The following TUSC3 variants were observed in gnomAD, a reference collection of about 807,000 sequenced individuals.
The protein encoded by TUSC3 is tumor suppressor candidate 3, also known as dolichyl-diphosphooligosaccharide--protein glycosyltransferase subunit TUSC3.
Under a neutral mutation model 44.8 loss-of-function variants are expected in TUSC3, and 45 were observed. That is an observed-to-expected ratio of 1.00 (90% CI 0.79 to 1.29). The LOEUF (loss-of-function observed/expected upper bound fraction) is 1.29. TUSC3 is among the 50% of genes most tolerant of loss of function. The pLI, the probability that TUSC3 is intolerant of heterozygous loss-of-function variation, is 0.00. For missense variants in TUSC3, 519 were observed against 437.9 expected (o/e 1.19, Z -1.65); for synonymous variants, 212 against 152.9 (o/e 1.39, Z -2.85).
At chr8:15,780,937 A>C in the TUSC3 span, among the ~76,000 whole-genome samples, 1 of 152,334 alleles carries the variant, frequency 6.6e-6, no homozygotes, top group East Asian at 1.9e-4. Context: ...AGAAGAGGCT[A>C]AAGAGCAAAG....
At chr8:15,427,663 C>T (rs1799820789) in intron 1 of TUSC3, among the ~76,000 whole-genome samples, 1 of 143,454 alleles carries the variant, frequency 7.0e-6, no homozygotes, top group African/African-American at 2.6e-5. Context: ...TAAAACTTGC[C>T]TTGGTCTCAC....
intron 1 of TUSC3, among the ~76,000 whole-genome samples, chr8:15,419,500 CAT>C (rs1200197049): frequency 7.2e-5 from 11 of 152,258 alleles, no homozygotes; most frequent in African/African-American, 2.4e-4. Context: ...TTGTGGAACA[CAT>C]GTGCCAAATT....
chr8:15,673,722 T>A (rs775999352), intron 5 of TUSC3, 25 bp from the exon 6 acceptor site: 1 of 1,569,274 alleles, frequency 6.4e-7, no homozygotes, highest in African/African-American at 1.4e-5. Context: ...GTTTACATAT[T>A]GAAACACTGC....
chr8:15,542,848 A>T (rs1410348928), intron 1 of TUSC3, among the ~76,000 whole-genome samples: 1 of 152,208 alleles, frequency 6.6e-6, no homozygotes, highest in Non-Finnish European at 1.5e-5. Context: ...GTGTATGTAT[A>T]TTTTACTGAA....
the TUSC3 span, among the ~76,000 whole-genome samples, chr8:15,843,917 T>C: frequency 3.3e-5 from 5 of 152,140 alleles, no homozygotes; most frequent in Non-Finnish European, 7.4e-5. Context: ...CCTTAAGCTG[T>C]ATTTGTAGCA....
chr8:15,638,515 C>CTTTTTTTTTT (rs547743726), intron 2 of TUSC3, among the ~76,000 whole-genome samples: 7 of 81,110 alleles, frequency 8.6e-5, no homozygotes, highest in Admixed American at 3.6e-4. Flanking sequence ...TTCTTTTTTT[C>CTTTTTTTTTT]TTTTTTTTTT....
At chr8:15,535,474 G>A (rs1801508515), upstream of TUSC3, among the ~76,000 whole-genome samples, 2 of 152,146 alleles carry the variant, frequency 1.3e-5, no homozygotes, top group Admixed American at 1.3e-4. Context: ...AAAAGGTGCA[G>A]AAAACAAAGT....
At chr8:15,610,178 A>T (rs1804700710) in intron 1 of TUSC3, among the ~76,000 whole-genome samples, 1 of 152,146 alleles carries the variant, frequency 6.6e-6, no homozygotes, top group African/African-American at 2.4e-5. Context: ...TTTGCGTTTT[A>T]GGCACTGGAT....
intron 10 of TUSC3, 43 bp from the exon 11 acceptor site, chr8:15,764,160 T>C (rs756684419): frequency 3.6e-5 from 55 of 1,532,810 alleles, no homozygotes; most frequent in Middle Eastern, 1.8e-4. Context: ...GTATTTTCCT[T>C]ATGTTCTATG....
At chr8:15,743,091 C>G (rs1166632777) in intron 7 of TUSC3, among the ~76,000 whole-genome samples, 1 of 151,898 alleles carries the variant, frequency 6.6e-6, no homozygotes, top group Non-Finnish European at 1.5e-5. Flanking sequence ...GATACCGGAC[C>G]TTCATAAAGA....
intron 1 of TUSC3, among the ~76,000 whole-genome samples, chr8:15,420,309 C>T (rs568007051): frequency 6.6e-6 from 1 of 151,948 alleles, no homozygotes. Flanking sequence ...CCAGCCTGGC[C>T]AACATGGGGA....
chr8:15,620,619 C>G (rs914938238), intron 1 of TUSC3, among the ~76,000 whole-genome samples: 2 of 152,036 alleles, frequency 1.3e-5, no homozygotes, highest in Non-Finnish European at 2.9e-5. Context: ...TAAGAGTATG[C>G]ATTCTTGTGT....
intron 6 of TUSC3, among the ~76,000 whole-genome samples, chr8:15,699,022 A>AT (rs1438814501): frequency 6.6e-6 from 1 of 151,774 alleles, no homozygotes; most frequent in African/African-American, 2.4e-5. Flanking sequence ...AATTTTTAAA[A>AT]TTTTTTGTAG....
At chr8:15,837,834 C>T in the TUSC3 span, among the ~76,000 whole-genome samples, 2 of 152,192 alleles carry the variant, frequency 1.3e-5, no homozygotes, top group Non-Finnish European at 2.9e-5. Context: ...CAAACCCCAT[C>T]TCTTCCTGTA....
At chr8:15,452,140 A>G (rs1390515499) in intron 1 of TUSC3, among the ~76,000 whole-genome samples, 1 of 152,164 alleles carries the variant, frequency 6.6e-6, no homozygotes, top group Non-Finnish European at 1.5e-5. Context: ...TTAACCGTGA[A>G]GTTATTGAGT....
intron 1 of TUSC3, among the ~76,000 whole-genome samples, chr8:15,419,998 T>C (rs1183081188): frequency 2.6e-5 from 4 of 152,166 alleles, no homozygotes; most frequent in South Asian, 2.1e-4. Context: ...AATTCATTCA[T>C]TGAATGAATT....
intron 8 of TUSC3, among the ~76,000 whole-genome samples, chr8:15,748,162 G>T (rs1472798436): frequency 2.0e-5 from 3 of 148,266 alleles, no homozygotes; most frequent in Non-Finnish European, 3.0e-5. Context: ...CATTTTCATT[G>T]AGAAGACACA....
chr8:15,575,657 C>T (rs545787932), intron 1 of TUSC3, among the ~76,000 whole-genome samples: 8 of 152,132 alleles, frequency 5.3e-5, no homozygotes, highest in African/African-American at 1.9e-4. Context: ...ATGCCAGGTA[C>T]TCCGGAAGCT....
At chr8:15,719,763 A>G (rs1166521386) in intron 6 of TUSC3, among the ~76,000 whole-genome samples, 2 of 152,080 alleles carry the variant, frequency 1.3e-5, no homozygotes, top group African/African-American at 4.8e-5. Context: ...TTCCATCCCC[A>G]TTTCACATGC....
Sources: gnomAD v4.1 joint callset for allele counts (sites outside exome capture counted in the v4.1 genomes callset) on GRCh38, gnomAD v4.1.1 for gene constraint, MANE v1.5 for transcripts, NCBI Gene and HGNC (gene_info 2026-07-23, HGNC 2026-07-21) for gene names.